SLC22A24: variants seen among roughly 807,000 people sequenced by gnomAD.
SLC22A24 encodes the protein steroid transmembrane transporter SLC22A24.
Under a neutral mutation model 49.8 loss-of-function variants are expected in SLC22A24, and 53 were observed. The ratio of observed to expected loss-of-function variants is 1.06; its 90% confidence interval spans 0.85 to 1.34. The LOEUF (loss-of-function observed/expected upper bound fraction) is 1.34, where lower values mean the gene tolerates loss of function less well. Among genes scored for constraint, SLC22A24 ranks in the 40% most tolerant of loss-of-function variants. The pLI is 0.00. For missense variants in SLC22A24, 786 were observed against 675.9 expected (o/e 1.16, Z -1.81); for synonymous variants, 302 against 256.4 (o/e 1.18, Z -1.70).
intron 6 of SLC22A24, among the ~76,000 whole-genome samples, chr11:63,086,178 A>G (rs934479926): frequency 2.0e-5 from 3 of 152,210 alleles, no homozygotes; most frequent in Admixed American, 2.0e-4. Flanking sequence ...CAGCAATCCC[A>G]TTATTGGATA....
chr11:63,114,756 T>C (rs1486240384), intron 4 of SLC22A24, among the ~76,000 whole-genome samples: 1 of 152,152 alleles, frequency 6.6e-6, no homozygotes, highest in Non-Finnish European at 1.5e-5. Flanking sequence ...GGATATCCTT[T>C]TTGTTGATGG....
At chr11:63,104,927 G>A (rs901299309) in intron 4 of SLC22A24, among the ~76,000 whole-genome samples, 7 of 152,166 alleles carry the variant, frequency 4.6e-5, no homozygotes, top group Admixed American at 2.0e-4. Context: ...TCTGAGACAA[G>A]GCAAGTCCCT....
intron 2 of SLC22A24, among the ~76,000 whole-genome samples, chr11:63,126,928 C>T (rs1049472389): frequency 6.6e-5 from 10 of 152,068 alleles, no homozygotes; most frequent in African/African-American, 2.2e-4. Context: ...AATGGGAGTT[C>T]ACTCAGGATT....
At chr11:63,080,343 T>C (rs1320748558) in intron 9 of SLC22A24, among the ~76,000 whole-genome samples, 4 of 152,234 alleles carry the variant, frequency 2.6e-5, no homozygotes, top group Non-Finnish European at 4.4e-5. Context: ...TTTTGTCTCC[T>C]CAAAATTTCT....
intron 1 of SLC22A24, among the ~76,000 whole-genome samples, chr11:63,140,763 G>A (rs944547887): frequency 5.9e-5 from 9 of 152,174 alleles, no homozygotes; most frequent in African/African-American, 1.4e-4. Context: ...TACAAGGTGC[G>A]TAGGGAATGT....
At chr11:63,105,744 C>T (rs1024471620) in intron 4 of SLC22A24, among the ~76,000 whole-genome samples, 3 of 151,984 alleles carry the variant, frequency 2.0e-5, no homozygotes, top group African/African-American at 7.3e-5. Flanking sequence ...CTCTGACATG[C>T]CCTGGAGACA....
chr11:63,118,868 C>T (rs374204617), intron 4 of SLC22A24, 44 bp downstream of exon 4: 73 of 1,548,954 alleles, frequency 4.7e-5, no homozygotes, highest in Non-Finnish European at 5.9e-5. Context: ...TCTATGTCTA[C>T]CATAGCCTCG....
chr11:63,104,404 T>C lies in SLC22A24; in HGVS notation c.831-106A>G, dbSNP rs2087108343. 4.6e-5 allele frequency: 58 copies of C among 1,250,782 alleles called. No individual in the cohort carries two copies. The East Asian group carries it at 1.5e-3, about 32-fold the overall frequency. 77.5% of individuals were successfully genotyped at this position (1,250,782 alleles called of 1,614,324 possible). A position where few individuals can be genotyped will look rare whatever the true frequency, so the allele number is the denominator to read the frequency against. ...TTGATTTAATACAGACATTATAAATTATAGTAGAGTCATTTCTGACCAAAT... is the reference window on the plus strand; with the variant it reads ...TTGATTTAATACAGACATTATAAATCATAGTAGAGTCATTTCTGACCAAAT... On this transcript the variant is annotated intron_variant, in intron 4 of 9. Coordinates refer to ENST00000612278, the MANE Select transcript of SLC22A24 (RefSeq NM_001136506.2).
At chr11:63,114,573 G>A (rs7101912) in intron 4 of SLC22A24, among the ~76,000 whole-genome samples, 120,475 of 152,094 alleles carry the variant, frequency 0.79, 48,920 homozygotes, top group East Asian at 0.9. Flanking sequence ...CATCAAAGTA[G>A]CTCTCCATCC....
intron 6 of SLC22A24, among the ~76,000 whole-genome samples, chr11:63,092,844 G>A (rs1396750339): frequency 6.6e-6 from 1 of 151,906 alleles, no homozygotes; most frequent in Non-Finnish European, 1.5e-5. Context: ...TTGACAAATG[G>A]AATCTAATCA....
rs898875216 is a variant in SLC22A24, at chr11:63,104,238, C to T, written c.891G>A (p.Lys297=). 1 of 1,550,648 alleles carries T rather than the reference C, an allele frequency of 6.4e-7. No homozygotes were observed. Among genetic ancestry groups the T allele is most frequent in the African/African-American group, 1.4e-5 (1 of 72,994 alleles). The change falls in exon 5 of 10, where the codon AAG becomes AAA. Residue 297 remains lysine (K), a synonymous_variant. Coordinates refer to ENST00000612278, the MANE Select transcript of SLC22A24 (RefSeq NM_001136506.2). The part of the protein sequence containing the change: ...IINNQLDEGL[K]ELRRVAHING... ...TTATGTGTGCAACTCTTCTAAGCTC[C>T]TTTAAGCCCTCATCTAGCTGATTGT... is the stretch of plus-strand genomic sequence containing the variant.
intron 2 of SLC22A24, among the ~76,000 whole-genome samples, chr11:63,125,750 T>C (rs2087285965): frequency 6.6e-6 from 1 of 151,776 alleles, no homozygotes; most frequent in African/African-American, 2.4e-5. Context: ...CCACAATGGC[T>C]GAACTAATTT....
intron 6 of SLC22A24, among the ~76,000 whole-genome samples, chr11:63,090,732 G>A (rs1393889243): frequency 6.7e-6 from 1 of 149,918 alleles, no homozygotes; most frequent in African/African-American, 2.4e-5. Context: ...TGAAACCAAT[G>A]AGAACAAAGA....
chr11:63,112,198 C>G (rs1226699271), intron 4 of SLC22A24, among the ~76,000 whole-genome samples: 1 of 152,120 alleles, frequency 6.6e-6, no homozygotes, highest in Non-Finnish European at 1.5e-5. Context: ...AGTTTGATTG[C>G]ACTGTGGTCT....
rs115742450 is a variant in SLC22A24 at position 63,115,057 on chromosome 11, A to C, written c.830+3855T>G. Among the ~76,000 whole-genome samples, 962 of 152,266 alleles carry C rather than the reference A, an allele frequency of 6.3e-3. 10 individuals carry two copies. The highest frequency in any genetic ancestry group is 0.022 in the African/African-American group (926 of 41,554). On this transcript the variant is annotated intron_variant, in intron 4 of 9. Coordinates refer to ENST00000612278, the MANE Select transcript of SLC22A24 (RefSeq NM_001136506.2). The stretch of plus-strand genomic sequence containing the variant: ...GAGGAGGCAGCCTGTCCATTCTCAG[A>C]GCTCATACACTGTGCTGGGAGAACC...
In SLC22A24 at chr11:63,119,101, A is replaced by G. The variant is rs559645358; in HGVS notation, c.662-21T>C. ...TAAGCCTGGAAGAAAACATATACAT[A>G]GTAATAATTTTAGACAAATGGTAAT... On this transcript the variant is annotated intron_variant, in intron 3 of 9. Transcript: ENST00000612278. 22 of 1,533,078 alleles carry G rather than the reference A, an allele frequency of 1.4e-5. 1 individual carries two copies. The South Asian group carries it at 2.0e-4, about 14-fold the overall frequency. The allele number at this position is 1,533,078 out of a possible 1,614,324, so 95.0% of individuals were successfully genotyped here.
chr11:63,124,134 G>A (rs2087271695), intron 2 of SLC22A24, among the ~76,000 whole-genome samples: 2 of 152,106 alleles, frequency 1.3e-5, no homozygotes, highest in African/African-American at 4.8e-5. Context: ...GCTACATGAT[G>A]GGAACCAGCT....
At chr11:63,083,913 C>T (rs1327620863) in intron 6 of SLC22A24, among the ~76,000 whole-genome samples, 1 of 152,128 alleles carries the variant, frequency 6.6e-6, no homozygotes, top group East Asian at 1.9e-4. Context: ...AACTTCTCTG[C>T]TCCCGTTCAG....
chr11:63,119,285 G>A lies in SLC22A24; in HGVS notation c.557C>T (p.Ser186Phe), dbSNP rs1268768813. The change falls in exon 3 of 10, where the codon TCT becomes TTT. Residue 186 changes from serine to phenylalanine, a missense_variant. Coordinates refer to ENST00000612278, the MANE Select transcript of SLC22A24 (RefSeq NM_001136506.2). ...GGGAGCGAAGGCCGCACAGGTGTTA[G>A]AGATGGCCAGCTGGAGGAAACACAA... ...CKLCFLQLAISNTCAAFAPTF... is the reference protein window; with the variant it reads ...CKLCFLQLAIFNTCAAFAPTF... 1.1e-5 allele frequency: 17 copies of A among 1,551,122 alleles called. No individual in the cohort carries two copies. The highest frequency in any genetic ancestry group is 1.4e-5 in the Non-Finnish European group (16 of 1,146,802).
Sources: gnomAD v4.1 joint callset for allele counts (sites outside exome capture counted in the v4.1 genomes callset) on GRCh38, gnomAD v4.1.1 for gene constraint, MANE v1.5 for transcripts, NCBI Gene and HGNC (gene_info 2026-07-23, HGNC 2026-07-21) for gene names.